Variants in LRRC51 observed in about 807,000 individuals in gnomAD.
LRRC51 encodes the protein leucine-rich repeat-containing protein 51.
In LRRC51, 8 loss-of-function variants were observed where a neutral mutation model predicts 17.8. That is an observed-to-expected ratio of 0.45 (90% CI 0.26 to 0.81). The LOEUF (loss-of-function observed/expected upper bound fraction) is 0.81. LRRC51 is among the 30% of genes least tolerant of loss of function. LRRC51 has a pLI of 0.17. For synonymous variants in LRRC51, 92 were observed against 96.0 expected, an observed-to-expected ratio of 0.96 and a Z score of 0.24; for missense variants, 233 against 239.3, an observed-to-expected ratio of 0.97 and a Z score of 0.17.
intron 3 of LRRC51, 85 bp from the exon 4 acceptor site, chr11:72,093,411 G>A (rs1317711095): frequency 4.0e-5 from 52 of 1,313,356 alleles, no homozygotes; most frequent in Non-Finnish European, 5.6e-5. Flanking sequence ...CAGCCTGGAT[G>A]GCTAATCTTT....
intron 3 of LRRC51, 77 bp downstream of exon 3, chr11:72,089,242 A>T (rs906304274): frequency 1.2e-6 from 2 of 1,603,256 alleles, no homozygotes; most frequent in Non-Finnish European, 1.7e-6. Flanking sequence ...ACCATAATCT[A>T]CTTAAAAGCC....
chr11:72,090,802 A>G (rs1944813971), intron 3 of LRRC51, among the ~76,000 whole-genome samples: 1 of 152,186 alleles, frequency 6.6e-6, no homozygotes, highest in Non-Finnish European at 1.5e-5. Flanking sequence ...ATATACACCT[A>G]CCAACACCTT....
At chr11:72,089,254 A>C (rs766990736) in intron 3 of LRRC51, 89 bp downstream of exon 3, 1 of 1,596,098 alleles carries the variant, frequency 6.3e-7, no homozygotes, top group South Asian at 1.1e-5. Flanking sequence ...TTAAAAGCCT[A>C]AAGAGATTCT....
At chr11:72,089,286 T>C (rs1478844256) in intron 3 of LRRC51, 121 bp downstream of exon 3, 1 of 1,542,832 alleles carries the variant, frequency 6.5e-7, no homozygotes, top group Admixed American at 1.8e-5. Context: ...TGCAGATGTG[T>C]TGTTACTGTC....
Position 72,095,714 on chromosome 11 carries a change from A to G in LRRC51, c.*194A>G. 3.6e-6 allele frequency: 5 copies of G among 1,384,316 alleles called. No individual in the cohort carries two copies. The highest frequency in any genetic ancestry group is 4.7e-6 in the Non-Finnish European group (5 of 1,062,276). 85.8% of individuals were successfully genotyped at this position (1,384,316 alleles called of 1,614,324 possible). A position where few individuals can be genotyped will look rare whatever the true frequency, so the allele number is the denominator to read the frequency against. On this transcript the variant is annotated 3_prime_UTR_variant, in exon 6 of 6. Coordinates refer to ENST00000289488, the MANE Select transcript of LRRC51 (RefSeq NM_145309.6). ...TTGAGACGGAGTCTCACTCTGTCAC[A>G]CAGGCTGGAGTGCAGTGGCACGATC... is the stretch of plus-strand genomic sequence containing the variant.
rs1332083306 is a variant in LRRC51 at position 72,096,747 on chromosome 11, T to G, written c.*1227T>G. On this transcript the variant is annotated 3_prime_UTR_variant, in exon 6 of 6. Transcript: ENST00000289488. ...GAGTACCAGGGTCTGTAGAGATGCC[T>G]CACAGGCCTCCATGACAGGCCAAGA... 1.1e-5 allele frequency: 16 copies of G among 1,517,918 alleles called. No individual in the cohort carries two copies. Among genetic ancestry groups the G allele is most frequent in the Non-Finnish European group, 1.4e-5 (16 of 1,127,828 alleles). 94.0% of individuals were successfully genotyped at this position (1,517,918 alleles called of 1,614,324 possible). A position where few individuals can be genotyped will look rare whatever the true frequency, so the allele number is the denominator to read the frequency against.
chr11:72,095,343 G>A (rs1490317105), intron 5 of LRRC51, 36 bp from the exon 6 acceptor site: 3 of 1,613,254 alleles, frequency 1.9e-6, no homozygotes, highest in South Asian at 2.2e-5. Context: ...GGATTCTGGT[G>A]GGGGTGCTGG....
chr11:72,096,625 G>T lies in LRRC51; in HGVS notation c.*1105G>T. On this transcript the variant is annotated 3_prime_UTR_variant, in exon 6 of 6. Coordinates refer to ENST00000289488, the MANE Select transcript of LRRC51 (RefSeq NM_145309.6). The stretch of plus-strand genomic sequence containing the variant: ...ACTGGAGACGTGGGTTTACCACACA[G>T]CCTTGGGAAATTTATCTAACTCTCT... The T allele has an allele frequency of 2.0e-6, 3 of 1,514,930 alleles. No individual in the cohort carries two copies. Among genetic ancestry groups the T allele is most frequent in the Non-Finnish European group, 1.8e-6 (2 of 1,130,490 alleles). The allele number at this position is 1,514,930 out of a possible 1,614,324, so 93.8% of individuals were successfully genotyped here. A position where few individuals can be genotyped will look rare whatever the true frequency, so the allele number is the denominator to read the frequency against.
At chr11:72,086,291 A>G in intron 1 of LRRC51, 1 of 628,694 alleles carries the variant, frequency 1.6e-6, no homozygotes, top group Non-Finnish European at 2.9e-6. Context: ...ATAGAAACTC[A>G]GCAGGTCTTT....
At chr11:72,081,407 C>G (rs948791061) in intron 1 of LRRC51, among the ~76,000 whole-genome samples, 1 of 152,082 alleles carries the variant, frequency 6.6e-6, no homozygotes, top group Non-Finnish European at 1.5e-5. Flanking sequence ...GGCTATAGAG[C>G]GATACCTCCA....
chr11:72,087,543 GC>G (rs536674539), intron 1 of LRRC51, among the ~76,000 whole-genome samples: 61 of 152,072 alleles, frequency 4.0e-4, no homozygotes, highest in Middle Eastern at 3.4e-3. Context: ...TTCTCTTTTT[GC>G]TTTGGCTGCC....
rs772948913 is a variant in LRRC51, at chr11:72,093,506, TGAG to T, written c.97_99del (p.Glu33del). 8 of 1,612,962 alleles carry T rather than the reference TGAG, an allele frequency of 5.0e-6. No homozygotes were observed. The East Asian group carries it at 1.8e-4, about 36-fold the overall frequency. ...ACTTTGTCCCCACAGATCTGGTAAA[TGAG>T]GAGCCAAGGACAGGACTACGACCAC... On this transcript the variant is annotated inframe_deletion, in exon 4 of 6. Transcript: ENST00000289488.
intron 3 of LRRC51, 90 bp downstream of exon 3, chr11:72,089,255 AAG>A: frequency 1.9e-6 from 3 of 1,594,184 alleles, no homozygotes; most frequent in Non-Finnish European, 2.6e-6. Flanking sequence ...TAAAAGCCTA[AAG>A]AGATTCTTCC....
chr11:72,095,332 G>A, intron 5 of LRRC51, 47 bp from the exon 6 acceptor site: 1 of 1,613,048 alleles, frequency 6.2e-7, no homozygotes, highest in Non-Finnish European at 8.5e-7. Flanking sequence ...GAGGGGGAAG[G>A]GGATTCTGGT....
chr11:72,094,751 T>C, intron 4 of LRRC51, 197 bp from the exon 5 acceptor site: 2 of 1,044,146 alleles, frequency 1.9e-6, no homozygotes, highest in Non-Finnish European at 2.9e-6. Flanking sequence ...AGATCACAGC[T>C]CCTTTTCAGT....
At position 72,091,844 on chromosome 11, in the gene LRRC51, C is replaced by T. The variant is rs1274926213; in HGVS notation, c.83-1652C>T. Among the ~76,000 whole-genome samples the T allele has an allele frequency of 2.6e-5, 4 of 152,162 alleles. No homozygotes were observed. In the East Asian group the frequency reaches 7.7e-4, roughly 29 times the overall value. On this transcript the variant is annotated intron_variant, in intron 3 of 5. Coordinates refer to ENST00000289488, the MANE Select transcript of LRRC51 (RefSeq NM_145309.6). ...CAAGCAATCCTCCTGTCTTGGCCTC[C>T]CAAAGTGCTGGGATTACAGGCATGA...
At chr11:72,081,212 G>T (rs1268966190) in intron 1 of LRRC51, among the ~76,000 whole-genome samples, 2 of 152,228 alleles carry the variant, frequency 1.3e-5, no homozygotes, top group Non-Finnish European at 2.9e-5. Flanking sequence ...CTTAAGGCCA[G>T]GAGTTCGAGA....
At chr11:72,091,732 A>G (rs1298052041) in intron 3 of LRRC51, among the ~76,000 whole-genome samples, 1 of 152,150 alleles carries the variant, frequency 6.6e-6, no homozygotes, top group Non-Finnish European at 1.5e-5. Flanking sequence ...GATGTTGTTT[A>G]TGCTAACTGC....
In LRRC51 at chr11:72,089,155, C is replaced by T. The variant is rs766099514; in HGVS notation, c.72C>T (p.His24=). 27 of 1,614,018 alleles carry T rather than the reference C, an allele frequency of 1.7e-5. No individual in the cohort carries two copies. Among genetic ancestry groups the T allele is most frequent in the South Asian group, 7.7e-5 (7 of 91,088 alleles). The part of the protein sequence containing the change: ...PPLDYSFRSI[H]VIQDLVNEEP... ...TTGACTACTCCTTCAGAAGCATCCA[C>T]GTCATTCAAGGTCAGCCCCCAGAGC... The change falls in exon 3 of 6, where the codon CAC becomes CAT. Residue 24 remains histidine (H), a synonymous_variant. Transcript: ENST00000289488.
Sources: gnomAD v4.1 joint callset for allele counts (sites outside exome capture counted in the v4.1 genomes callset) on GRCh38, gnomAD v4.1.1 for gene constraint, MANE v1.5 for transcripts, NCBI Gene and HGNC (gene_info 2026-07-23, HGNC 2026-07-21) for gene names.